RIC1: variants seen among roughly 807,000 people sequenced by gnomAD.
The protein encoded by RIC1 is RIC1 partner of RAB6A GEF complex, also known as guanine nucleotide exchange factor subunit RIC1.
RIC1 carries 88 observed loss-of-function variants against 169.0 expected under a neutral mutation model. The observed-to-expected ratio is 0.52, with a 90% confidence interval of 0.44 to 0.62. The LOEUF is 0.62. Among genes scored for constraint, RIC1 ranks in the 20% least tolerant of loss-of-function variants. The probability of loss-of-function intolerance (pLI) is 0.00; values close to 1 mark genes in which losing one functional copy is unlikely to be tolerated. For missense variants in RIC1, 1,877 were observed against 1,725.5 expected (o/e 1.09, Z -1.56); for synonymous variants, 790 against 601.5 (o/e 1.31, Z -4.59).
chr9:5,636,549 C>T (rs1817982948), intron 1 of RIC1, among the ~76,000 whole-genome samples: 1 of 152,084 alleles, frequency 6.6e-6, no homozygotes, highest in African/African-American at 2.4e-5. Context: ...CGATTCCTGA[C>T]CTCAGTTGAT....
chr9:5,683,195 G>C (rs1211800661), intron 2 of RIC1, among the ~76,000 whole-genome samples: 1 of 152,192 alleles, frequency 6.6e-6, no homozygotes, highest in Admixed American at 6.5e-5. Context: ...GTGAGGAGCT[G>C]CGTTCCTTTG....
intron 23 of RIC1, 130 bp downstream of exon 23, chr9:5,770,408 G>A (rs1265297298): frequency 4.8e-6 from 4 of 825,204 alleles, no homozygotes; most frequent in Admixed American, 6.2e-5. Flanking sequence ...CCACTGGAGA[G>A]GTAGAAAGTT....
At chr9:5,776,839 G>A (rs1563734758), downstream of RIC1, among the ~76,000 whole-genome samples, 1 of 151,956 alleles carries the variant, frequency 6.6e-6, no homozygotes, top group African/African-American at 2.4e-5. Flanking sequence ...TACCTACCAA[G>A]CAAACAAAAT....
intron 3 of RIC1, among the ~76,000 whole-genome samples, chr9:5,711,140 G>C (rs1459009747): frequency 6.6e-6 from 1 of 151,998 alleles, no homozygotes; most frequent in Non-Finnish European, 1.5e-5. Context: ...GAACCCATCG[G>C]ATATATAAAA....
chr9:5,719,631 T>C (rs1823468538), intron 4 of RIC1: 1 of 152,364 alleles, frequency 6.6e-6, no homozygotes, highest in Non-Finnish European at 1.5e-5. Flanking sequence ...TGAATTTATT[T>C]AAATTTACAT....
intron 3 of RIC1, among the ~76,000 whole-genome samples, chr9:5,697,182 T>C (rs753923350): frequency 6.6e-6 from 1 of 152,250 alleles, no homozygotes; most frequent in African/African-American, 2.4e-5. Context: ...GGTGCTCTGC[T>C]TCACAAATAG....
chr9:5,668,462 G>A (rs1202084568), intron 2 of RIC1, among the ~76,000 whole-genome samples: 1 of 152,062 alleles, frequency 6.6e-6, no homozygotes, highest in Non-Finnish European at 1.5e-5. Context: ...ATTTCATTAA[G>A]GCTCCTGACA....
At chr9:5,654,598 A>T (rs2130434539) in intron 1 of RIC1, among the ~76,000 whole-genome samples, 1 of 151,994 alleles carries the variant, frequency 6.6e-6, no homozygotes, top group African/African-American at 2.4e-5. Flanking sequence ...GGAGTGCAGT[A>T]GCGCAGTCTC....
At chr9:5,767,617 C>T (rs905498867) in intron 21 of RIC1, among the ~76,000 whole-genome samples, 7 of 151,822 alleles carry the variant, frequency 4.6e-5, no homozygotes, top group African/African-American at 1.7e-4. Context: ...GATGGAGTTT[C>T]GCTCTTGTTG....
chr9:5,707,544 G>C (rs1027636317), intron 3 of RIC1, among the ~76,000 whole-genome samples: 1 of 151,882 alleles, frequency 6.6e-6, no homozygotes, highest in Admixed American at 6.6e-5. Context: ...AATATTTTGT[G>C]GCTCTGATGC....
intron 3 of RIC1, among the ~76,000 whole-genome samples, chr9:5,702,602 C>T (rs534792341): frequency 6.6e-6 from 1 of 152,114 alleles, no homozygotes; most frequent in East Asian, 1.9e-4. Context: ...GCAGTGGCAC[C>T]ATCTCGGCTC....
chr9:5,696,098 C>T (rs1056512682), intron 3 of RIC1, among the ~76,000 whole-genome samples: 1 of 152,038 alleles, frequency 6.6e-6, no homozygotes, highest in Non-Finnish European at 1.5e-5. Context: ...TTTTCCAGTG[C>T]CTCTGGAATT....
intron 2 of RIC1, among the ~76,000 whole-genome samples, chr9:5,686,401 G>C (rs1167168105): frequency 6.6e-6 from 1 of 152,052 alleles, no homozygotes; most frequent in African/African-American, 2.4e-5. Flanking sequence ...TGATAGACTG[G>C]ATTAAGAAAA....
chr9:5,695,423 A>T (rs914702186), intron 3 of RIC1, among the ~76,000 whole-genome samples: 1 of 151,740 alleles, frequency 6.6e-6, no homozygotes, highest in Admixed American at 6.6e-5. Flanking sequence ...GAGTTTATTC[A>T]CTCTTCCTGC....
intron 3 of RIC1, among the ~76,000 whole-genome samples, chr9:5,710,799 A>C (rs1450214273): frequency 6.6e-6 from 1 of 152,220 alleles, no homozygotes; most frequent in East Asian, 1.9e-4. Context: ...GAAAATTCTC[A>C]GAATGAAAAG....
At chr9:5,692,139 G>A (rs1821623125) in intron 3 of RIC1, among the ~76,000 whole-genome samples, 1 of 152,000 alleles carries the variant, frequency 6.6e-6, no homozygotes, top group Admixed American at 6.6e-5. Flanking sequence ...GGTTTCAGTG[G>A]CTGGCCTCAA....
At position 5,774,384 on chromosome 9, in the gene RIC1, T is replaced by G. The variant is rs1827461369; in HGVS notation, c.*138T>G. On this transcript the variant is annotated 3_prime_UTR_variant, in exon 26 of 26. Coordinates refer to ENST00000414202, the MANE Select transcript of RIC1 (RefSeq NM_020829.4). ...TAAGTATTAGTAGATTTTAACTAATTCTTTCTTGTCTAAGAAATCTTTTTG... is the reference window on the plus strand; with the variant it reads ...TAAGTATTAGTAGATTTTAACTAATGCTTTCTTGTCTAAGAAATCTTTTTG... 1 of 640,452 alleles carries G rather than the reference T, an allele frequency of 1.6e-6. No homozygotes were observed. The highest frequency in any genetic ancestry group is 2.4e-6 in the Non-Finnish European group (1 of 412,192). 39.7% of individuals were successfully genotyped at this position (640,452 alleles called of 1,614,324 possible).
chr9:5,642,944 C>A (rs1217689672), intron 1 of RIC1, among the ~76,000 whole-genome samples: 1 of 152,034 alleles, frequency 6.6e-6, no homozygotes, highest in African/African-American at 2.4e-5. Flanking sequence ...ATACTTTTAC[C>A]ATAAATGGAA....
intron 8 of RIC1, among the ~76,000 whole-genome samples, chr9:5,740,697 CG>C (rs1563941295): frequency 6.6e-6 from 1 of 151,460 alleles, no homozygotes; most frequent in Non-Finnish European, 1.5e-5. Context: ...ATATTCTAGC[CG>C]CACTGGCAGC....
Sources: allele counts gnomAD v4.1 joint callset (sites outside exome capture counted in the v4.1 genomes callset), GRCh38; gene constraint gnomAD v4.1.1; transcripts MANE v1.5; gene names NCBI Gene and HGNC (gene_info 2026-07-23, HGNC 2026-07-21).